MYOCOS: variants seen among roughly 807,000 people sequenced by gnomAD.
The protein encoded by MYOCOS is myocilin opposite strand protein.
At chr1:171,611,109 A>G (rs1292537331) in intron 1 of MYOCOS, among the ~76,000 whole-genome samples, 1 of 152,226 alleles carries the variant, frequency 6.6e-6, no homozygotes, top group African/African-American at 2.4e-5. Context: ...CCTTGCTGCT[A>G]TCATTTAGGG....
chr1:171,603,155 CAACACT>C (rs149690060), intron 1 of MYOCOS, among the ~76,000 whole-genome samples: 1 of 152,312 alleles, frequency 6.6e-6, no homozygotes, highest in African/African-American at 2.4e-5. Context: ...TTCCGTCTCC[CAACACT>C]AAGTTCACTT....
At chr1:171,618,209 T>C (rs1652485202), upstream of MYOCOS, among the ~76,000 whole-genome samples, 1 of 152,134 alleles carries the variant, frequency 6.6e-6, no homozygotes, top group Non-Finnish European at 1.5e-5. Context: ...GGTAGAGAAG[T>C]GAATGTCACC....
intron 1 of MYOCOS, among the ~76,000 whole-genome samples, chr1:171,609,578 T>G (rs1179276434): frequency 1.3e-5 from 2 of 152,242 alleles, no homozygotes; most frequent in Non-Finnish European, 2.9e-5. Context: ...CTTAGTTCCA[T>G]GAAGGGCAAC....
intron 1 of MYOCOS, chr1:171,604,182 T>G (rs1652199066): frequency 5.9e-5 from 9 of 151,744 alleles, no homozygotes; most frequent in Admixed American, 5.9e-4. Context: ...CGCCAACCCC[T>G]GCAAAGTGAC....
rs140371362 is a variant in MYOCOS, at chr1:171,613,711, C to A, written c.-251-1087C>A. On this transcript the variant is annotated intron_variant, in intron 1 of 3. Coordinates refer to the MYOCOS transcript ENST00000636697. ...TGCAGGCACATGCCATCACACCTGG[C>A]TAACTTTTTAATTTTTTGTAGCTAT... 1.1e-3 allele frequency among the ~76,000 whole-genome samples: 169 copies of A among 152,212 alleles called. 1 individual carries two copies. Among genetic ancestry groups the A allele is most frequent in the Middle Eastern group, 6.8e-3 (2 of 294 alleles).
intron 2 of MYOCOS, 43 bp downstream of exon 2, chr1:171,624,021 G>A (rs909495316): frequency 4.3e-5 from 17 of 398,416 alleles, no homozygotes; most frequent in Non-Finnish European, 6.2e-5. Flanking sequence ...GGGTTGGGAC[G>A]GAGCATAACA....
At chr1:171,603,705 A>G (rs1303491826) in intron 1 of MYOCOS, among the ~76,000 whole-genome samples, 1 of 152,252 alleles carries the variant, frequency 6.6e-6, no homozygotes, top group Non-Finnish European at 1.5e-5. Flanking sequence ...TGTGTCAAAA[A>G]GAGAAAAAAT....
At chr1:171,611,904 T>G (rs1652357390) in intron 1 of MYOCOS, among the ~76,000 whole-genome samples, 1 of 152,170 alleles carries the variant, frequency 6.6e-6, no homozygotes, top group Non-Finnish European at 1.5e-5. Flanking sequence ...AAACTGACAT[T>G]AATCTACCCT....
rs746755925 is a variant in MYOCOS at position 171,602,882 on chromosome 1, G to A, written c.-252+1802G>A. On this transcript the variant is annotated intron_variant, in intron 1 of 3. Coordinates refer to the MYOCOS transcript ENST00000636697. ...TAAAACAAACTTTGGCAATTAAGAC[G>A]GCATACCAAGATGCAAATGCCTGGT... 5.4e-4 allele frequency among the ~76,000 whole-genome samples: 82 copies of A among 152,178 alleles called. 1 individual carries two copies. The highest frequency in any genetic ancestry group is 1.9e-3 in the African/African-American group (79 of 41,514).
chr1:171,603,497 G>A (rs1652183022), intron 1 of MYOCOS, among the ~76,000 whole-genome samples: 1 of 152,212 alleles, frequency 6.6e-6, no homozygotes, highest in Admixed American at 6.5e-5. Flanking sequence ...AAGAAATACA[G>A]ATCAATTTAA....
intron 1 of MYOCOS, among the ~76,000 whole-genome samples, chr1:171,613,127 T>C (rs1652384053): frequency 6.6e-6 from 1 of 152,236 alleles, no homozygotes; most frequent in Non-Finnish European, 1.5e-5. Context: ...GTCTCCAGTG[T>C]ATGGTTCCTT....
intron 2 of MYOCOS, among the ~76,000 whole-genome samples, chr1:171,624,768 GA>G (rs958487756): frequency 2.0e-5 from 3 of 151,796 alleles, no homozygotes; most frequent in Admixed American, 2.0e-4. Flanking sequence ...ATTTTTAATA[GA>G]AACAGGGTTT....
chr1:171,625,553 C>G (rs1652677006), intron 2 of MYOCOS, among the ~76,000 whole-genome samples: 1 of 152,212 alleles, frequency 6.6e-6, no homozygotes, highest in Admixed American at 6.5e-5. Context: ...TAAATCTGAA[C>G]CTGTAAAAGC....
intron 1 of MYOCOS, among the ~76,000 whole-genome samples, chr1:171,608,408 C>CTT (rs34773729): frequency 0.089 from 4,565 of 51,350 alleles, 1,618 homozygotes; most frequent in South Asian, 0.12. Flanking sequence ...GGGAACCAGA[C>CTT]TTTTTTTTTT....
chr1:171,619,469 G>C (rs535877434), upstream of MYOCOS, among the ~76,000 whole-genome samples: 1 of 152,178 alleles, frequency 6.6e-6, no homozygotes, highest in Non-Finnish European at 1.5e-5. Flanking sequence ...CAGACTCCCT[G>C]AGGGTTCCTG....
intron 1 of MYOCOS, among the ~76,000 whole-genome samples, chr1:171,614,128 C>T (rs2102935586): frequency 6.6e-6 from 1 of 152,280 alleles, no homozygotes; most frequent in South Asian, 2.1e-4. Flanking sequence ...AACAATTGTG[C>T]CATTACAGTT....
At chr1:171,604,520 C>G (rs1045164046) in intron 1 of MYOCOS, 4 of 152,182 alleles carry the variant, frequency 2.6e-5, no homozygotes, top group Non-Finnish European at 4.4e-5. Flanking sequence ...TGCTATGACT[C>G]CTTTGAACCT....
intron 1 of MYOCOS, among the ~76,000 whole-genome samples, chr1:171,609,874 A>G (rs2102933978): frequency 1.3e-5 from 2 of 152,334 alleles, no homozygotes; most frequent in Admixed American, 1.3e-4. Flanking sequence ...CCTGTGGCTC[A>G]AGATCTTTCA....
chr1:171,610,106 A>G (rs570282570), intron 1 of MYOCOS, among the ~76,000 whole-genome samples: 1 of 152,340 alleles, frequency 6.6e-6, no homozygotes, highest in South Asian at 2.1e-4. Flanking sequence ...CAAGTCTTAT[A>G]ATTTAGTGTT....
Sources: gnomAD v4.1 joint callset for allele counts (sites outside exome capture counted in the v4.1 genomes callset) on GRCh38, gnomAD v4.1.1 for gene constraint, MANE v1.5 for transcripts, NCBI Gene and HGNC (gene_info 2026-07-23, HGNC 2026-07-21) for gene names.